TAB2: variants seen among roughly 807,000 people sequenced by gnomAD.
The protein encoded by TAB2 is TGF-beta-activated kinase 1 and MAP3K7-binding protein 2.
TAB2 carries 3 observed loss-of-function variants against 65.0 expected under a neutral mutation model. The ratio of observed to expected loss-of-function variants is 0.05; its 90% confidence interval spans 0.02 to 0.12. The LOEUF is 0.12. TAB2 is among the 10% of genes least tolerant of loss of function. The pLI, the probability that TAB2 is intolerant of heterozygous loss-of-function variation, is 1.00. For synonymous variants in TAB2, 298 were observed against 285.1 expected, an observed-to-expected ratio of 1.05 and a Z score of -0.46; for missense variants, 623 against 840.3, an observed-to-expected ratio of 0.74 and a Z score of 3.20.
upstream of TAB2, among the ~76,000 whole-genome samples, chr6:149,314,867 T>TC (rs1212519227): frequency 6.9e-6 from 1 of 144,922 alleles, no homozygotes; most frequent in Admixed American, 6.8e-5. Context: ...AACTATATCT[T>TC]TTTTTTTTTT....
intron 1 of TAB2, among the ~76,000 whole-genome samples, chr6:149,257,760 CT>C (rs1258038982): frequency 6.6e-6 from 1 of 152,144 alleles, no homozygotes; most frequent in African/African-American, 2.4e-5. Flanking sequence ...ACAAGCTCCC[CT>C]GATAACTCCC....
chr6:149,271,220 A>T (rs1328021493), intron 1 of TAB2, among the ~76,000 whole-genome samples: 1 of 152,022 alleles, frequency 6.6e-6, no homozygotes, highest in South Asian at 2.1e-4. Context: ...AAAAATATAT[A>T]TATTTTTTAA....
intron 1 of TAB2, chr6:149,218,908 T>C (rs1411579476): frequency 3.2e-6 from 1 of 316,982 alleles, no homozygotes; most frequent in Non-Finnish European, 6.7e-6. Flanking sequence ...CTAGTACTTT[T>C]TAAAATGCCA....
intron 3 of TAB2, among the ~76,000 whole-genome samples, chr6:149,381,574 T>TC (rs1359347245): frequency 8.4e-5 from 12 of 143,320 alleles, no homozygotes; most frequent in African/African-American, 3.0e-4. Context: ...CTATTCTTTT[T>TC]TTTTTTTTTT....
upstream of TAB2, among the ~76,000 whole-genome samples, chr6:149,316,970 A>G (rs1213419859): frequency 8.6e-5 from 13 of 151,334 alleles, no homozygotes; most frequent in South Asian, 1.3e-3. Flanking sequence ...TGTGTCCCGG[A>G]CCGCAGCGAC....
chr6:149,383,042 C>T (rs1781669858), intron 3 of TAB2, among the ~76,000 whole-genome samples: 1 of 151,890 alleles, frequency 6.6e-6, no homozygotes, highest in African/African-American at 2.4e-5. Context: ...GTAGTCCTAG[C>T]TACTCAGGAG....
intron 1 of TAB2, among the ~76,000 whole-genome samples, chr6:149,265,720 C>T (rs572248756): frequency 2.0e-5 from 3 of 152,182 alleles, no homozygotes; most frequent in South Asian, 2.1e-4. Flanking sequence ...TGGGGTTCAA[C>T]GCCAACGCCC....
chr6:149,260,423 A>G (rs1366871682), intron 1 of TAB2, among the ~76,000 whole-genome samples: 2 of 152,190 alleles, frequency 1.3e-5, no homozygotes, highest in African/African-American at 4.8e-5. Context: ...GCTCAGCTAA[A>G]AATAAAGCGA....
chr6:149,268,481 G>C (rs1778303131), intron 1 of TAB2, among the ~76,000 whole-genome samples: 1 of 152,094 alleles, frequency 6.6e-6, no homozygotes, highest in Non-Finnish European at 1.5e-5. Context: ...TATAGAGAGA[G>C]AGCAAGACAG....
intron 3 of TAB2, among the ~76,000 whole-genome samples, chr6:149,385,346 C>T (rs1231876043): frequency 6.6e-6 from 1 of 151,912 alleles, no homozygotes; most frequent in Non-Finnish European, 1.5e-5. Context: ...TTTTGTTATT[C>T]TTTGTTGACA....
upstream of TAB2, among the ~76,000 whole-genome samples, chr6:149,317,226 C>G (rs1044362952): frequency 2.0e-5 from 3 of 152,112 alleles, no homozygotes; most frequent in Non-Finnish European, 4.4e-5. The surrounding 1 kb of genome is among the most constrained non-coding windows in gnomAD (Gnocchi z 4.7). Context: ...CAACCTACCC[C>G]CAAGGATGGG....
At chr6:149,242,059 A>C (rs545629506) in intron 1 of TAB2, among the ~76,000 whole-genome samples, 2 of 152,172 alleles carry the variant, frequency 1.3e-5, no homozygotes, top group Non-Finnish European at 2.9e-5. Flanking sequence ...CCAGCTTCCC[A>C]TTAGGAAACT....
intron 1 of TAB2, among the ~76,000 whole-genome samples, chr6:149,357,426 AAAAAACACACACACAC>A (rs1350152702): frequency 1.8e-4 from 13 of 73,628 alleles, no homozygotes; most frequent in African/African-American, 6.1e-4. Flanking sequence ...AAGGAGAAAA[AAAAAACACACACACAC>A]ACACACACAC....
intron 1 of TAB2, among the ~76,000 whole-genome samples, chr6:149,318,387 C>G (rs1388823291): frequency 6.6e-6 from 1 of 151,600 alleles, no homozygotes; most frequent in Non-Finnish European, 1.5e-5. Context: ...GACCCGCCCC[C>G]AGGCATGTGT....
chr6:149,234,359 C>T (rs1250648515), intron 1 of TAB2, among the ~76,000 whole-genome samples: 2 of 152,040 alleles, frequency 1.3e-5, no homozygotes, highest in African/African-American at 2.4e-5. Context: ...TTGAGAGGTG[C>T]CAGGAGGAAA....
intron 1 of TAB2, among the ~76,000 whole-genome samples, chr6:149,366,817 G>A (rs1289672853): frequency 6.6e-6 from 1 of 152,108 alleles, no homozygotes; most frequent in Non-Finnish European, 1.5e-5. Context: ...TATTAGAAAA[G>A]CAGGCAAGTA....
At chr6:149,380,506 A>G (rs1379826972) in intron 3 of TAB2, among the ~76,000 whole-genome samples, 2 of 152,182 alleles carry the variant, frequency 1.3e-5, no homozygotes, top group African/African-American at 2.4e-5. Flanking sequence ...CATTATGTCT[A>G]TATTAATTCA....
At chr6:149,287,150 T>C (rs1327175049) in intron 1 of TAB2, among the ~76,000 whole-genome samples, 1 of 152,048 alleles carries the variant, frequency 6.6e-6, no homozygotes, top group East Asian at 1.9e-4. Flanking sequence ...ATTTAGATAT[T>C]GTTTACCTTC....
At position 149,226,889 on chromosome 6, in the gene TAB2, G is replaced by A. The variant is rs117937832; in HGVS notation, c.-121+8113G>A. On this transcript the variant is annotated intron_variant, in intron 1 of 1. Coordinates refer to the TAB2 transcript ENST00000606202. ...TATAAAATGTACAAATCAACGAAGT[G>A]TTTAGAGCTCAAAAGTGTTGGATAA... Among the ~76,000 whole-genome samples the A allele has an allele frequency of 3.8e-3, 576 of 152,322 alleles. 27 individuals are homozygous for A. The East Asian group carries it at 0.096, about 25-fold the overall frequency.
Sources: allele counts gnomAD v4.1 joint callset (sites outside exome capture counted in the v4.1 genomes callset), GRCh38; gene constraint gnomAD v4.1.1; non-coding constraint Gnocchi (gnomAD v3.1); transcripts MANE v1.5; gene names NCBI Gene and HGNC (gene_info 2026-07-23, HGNC 2026-07-21).